FSTL5: variants seen among roughly 807,000 people sequenced by gnomAD.
FSTL5 encodes the protein follistatin like 5.
A neutral mutation model predicts 89.1 loss-of-function variants in FSTL5; 62 were observed. The observed-to-expected ratio is 0.70, with a 90% CI of 0.57 to 0.86. The LOEUF (loss-of-function observed/expected upper bound fraction) is 0.86, where lower values mean the gene tolerates loss of function less well. FSTL5 is among the 40% of genes least tolerant of loss of function. FSTL5 has a pLI of 0.00. For missense variants in FSTL5, 1,057 were observed against 1,001.6 expected (o/e 1.06, Z -0.75); for synonymous variants, 383 against 346.2 (o/e 1.11, Z -1.18).
intron 6 of FSTL5, among the ~76,000 whole-genome samples, chr4:161,754,920 G>A (rs559535271): frequency 6.6e-6 from 1 of 151,968 alleles, no homozygotes; most frequent in South Asian, 2.1e-4. Context: ...TTAGCACTTG[G>A]TATAGAATAA....
intron 7 of FSTL5, among the ~76,000 whole-genome samples, chr4:161,626,300 G>A (rs555065419): frequency 4.1e-4 from 63 of 152,148 alleles, no homozygotes; most frequent in Non-Finnish European, 7.4e-4. Flanking sequence ...TGCACTCGGT[G>A]ACTTTGAATT....
At chr4:161,707,049 T>C (rs1738606935) in intron 6 of FSTL5, among the ~76,000 whole-genome samples, 1 of 151,650 alleles carries the variant, frequency 6.6e-6, no homozygotes, top group Non-Finnish European at 1.5e-5. Context: ...TAATTTATTT[T>C]ACTGTGTACC....
intron 1 of FSTL5, among the ~76,000 whole-genome samples, chr4:162,129,789 G>T (rs192149619): frequency 1.1e-4 from 16 of 152,198 alleles, no homozygotes; most frequent in Non-Finnish European, 1.3e-4. Flanking sequence ...TAAGTAATCA[G>T]AACAGTTTTC....
chr4:161,562,805 C>A (rs1732652645), intron 8 of FSTL5, among the ~76,000 whole-genome samples: 1 of 151,954 alleles, frequency 6.6e-6, no homozygotes, highest in South Asian at 2.1e-4. Flanking sequence ...ATAACTCTTG[C>A]TGTTGAAATT....
At chr4:162,153,343 T>C (rs1291742761) in intron 1 of FSTL5, among the ~76,000 whole-genome samples, 1 of 151,990 alleles carries the variant, frequency 6.6e-6, no homozygotes, top group African/African-American at 2.4e-5. Context: ...ACTCCAATCT[T>C]AGGTAGCACT....
intron 10 of FSTL5, among the ~76,000 whole-genome samples, chr4:161,531,980 G>T (rs1032301043): frequency 6.6e-6 from 1 of 151,966 alleles, no homozygotes; most frequent in South Asian, 2.1e-4. Flanking sequence ...CGAGACGGGC[G>T]GATCATGAGG....
At chr4:161,497,086 T>C (rs1054150031) in intron 12 of FSTL5, among the ~76,000 whole-genome samples, 47 of 152,178 alleles carry the variant, frequency 3.1e-4, no homozygotes, top group African/African-American at 1.1e-3. Flanking sequence ...GTAGAAAATA[T>C]TACCTTCATG....
intron 6 of FSTL5, among the ~76,000 whole-genome samples, chr4:161,701,077 T>G (rs1013104395): frequency 4.6e-5 from 7 of 152,194 alleles, no homozygotes; most frequent in Non-Finnish European, 7.4e-5. Flanking sequence ...TTTTGTCTCT[T>G]TAGAATAGAA....
intron 4 of FSTL5, among the ~76,000 whole-genome samples, chr4:161,792,021 C>T (rs1729494239): frequency 6.6e-6 from 1 of 152,156 alleles, no homozygotes; most frequent in Non-Finnish European, 1.5e-5. Flanking sequence ...TACAGTCACC[C>T]AGCTGCAGCT....
At chr4:161,972,701 G>A (rs1023411150) in intron 3 of FSTL5, among the ~76,000 whole-genome samples, 18 of 152,216 alleles carry the variant, frequency 1.2e-4, no homozygotes, top group Non-Finnish European at 2.9e-5. Context: ...TTGGATGTGA[G>A]AGATCCAAAG....
chr4:161,932,419 T>C (rs1734313109), intron 3 of FSTL5, among the ~76,000 whole-genome samples: 2 of 151,894 alleles, frequency 1.3e-5, no homozygotes, highest in Admixed American at 1.3e-4. Flanking sequence ...CTTCCTCATA[T>C]GTCTGAAAAT....
At chr4:161,409,848 C>G (rs1354595180) in intron 15 of FSTL5, among the ~76,000 whole-genome samples, 1 of 152,116 alleles carries the variant, frequency 6.6e-6, no homozygotes, top group African/African-American at 2.4e-5. Context: ...AAACAGCTAA[C>G]AACACCATGA....
chr4:161,521,701 T>G (rs557985908), intron 10 of FSTL5, among the ~76,000 whole-genome samples: 1 of 151,404 alleles, frequency 6.6e-6, no homozygotes, highest in South Asian at 2.1e-4. Context: ...ACAAAAAAAT[T>G]AGCCAGGCTT....
intron 3 of FSTL5, among the ~76,000 whole-genome samples, chr4:161,945,315 T>A (rs527828754): frequency 2.6e-5 from 4 of 152,318 alleles, no homozygotes; most frequent in Non-Finnish European, 4.4e-5. Context: ...TGTTATATGT[T>A]GCATGCTATA....
At chr4:161,692,325 A>G (rs573198561) in intron 6 of FSTL5, among the ~76,000 whole-genome samples, 1 of 135,438 alleles carries the variant, frequency 7.4e-6, no homozygotes, top group African/African-American at 2.8e-5. Context: ...TTCCACGTCT[A>G]CTGAGATATG....
At chr4:161,952,254 C>G (rs1344032880) in intron 3 of FSTL5, among the ~76,000 whole-genome samples, 1 of 151,944 alleles carries the variant, frequency 6.6e-6, no homozygotes, top group African/African-American at 2.4e-5. Context: ...ACTTGTCAGC[C>G]ACAATCGATA....
At chr4:162,068,311 C>T (rs558417375) in intron 2 of FSTL5, among the ~76,000 whole-genome samples, 1 of 152,176 alleles carries the variant, frequency 6.6e-6, no homozygotes, top group East Asian at 1.9e-4. Context: ...ATACTACAAG[C>T]TACAGTAACC....
chr4:162,108,528 T>C (rs1731313813), intron 2 of FSTL5, among the ~76,000 whole-genome samples: 2 of 151,934 alleles, frequency 1.3e-5, no homozygotes, highest in East Asian at 3.9e-4. Flanking sequence ...TATACTTTTC[T>C]AGTCAATAAG....
At chr4:161,522,414 G>A (rs867733066) in intron 10 of FSTL5, among the ~76,000 whole-genome samples, 1 of 151,838 alleles carries the variant, frequency 6.6e-6, no homozygotes, top group Admixed American at 6.6e-5. Context: ...AATAAAATGT[G>A]GTCAAGCAAG....
Sources: allele counts gnomAD v4.1 joint callset (sites outside exome capture counted in the v4.1 genomes callset), GRCh38; gene constraint gnomAD v4.1.1; transcripts MANE v1.5; gene names NCBI Gene and HGNC (gene_info 2026-07-23, HGNC 2026-07-21).